LSMEM2: variants seen among roughly 807,000 people sequenced by gnomAD.
LSMEM2 encodes the protein leucine-rich single-pass membrane protein 2.
Under a neutral mutation model 17.3 loss-of-function variants are expected in LSMEM2, and 20 were observed. That is an observed-to-expected ratio of 1.16 (90% CI 0.81 to 1.68). The LOEUF (loss-of-function observed/expected upper bound fraction) is 1.68, where lower values mean the gene tolerates loss of function less well. LSMEM2 is among the 40% of genes most tolerant of loss of function. The pLI, the probability that LSMEM2 is intolerant of heterozygous loss-of-function variation, is 0.00. For missense variants in LSMEM2, 207 were observed against 214.3 expected, an observed-to-expected ratio of 0.97 and a Z score of 0.21; for synonymous variants, 94 against 97.8, an observed-to-expected ratio of 0.96 and a Z score of 0.23.
upstream of LSMEM2, among the ~76,000 whole-genome samples, chr3:50,278,771 T>C (rs587665479): frequency 7.0e-4 from 106 of 152,122 alleles, no homozygotes; most frequent in African/African-American, 2.4e-3. Flanking sequence ...GGTGGCCAAA[T>C]AGAGATGCAC....
At chr3:50,286,142 G>A (rs973774524) in intron 1 of LSMEM2, among the ~76,000 whole-genome samples, 1 of 152,226 alleles carries the variant, frequency 6.6e-6, no homozygotes, top group Non-Finnish European at 1.5e-5. Flanking sequence ...AAAGAGGCAG[G>A]ACTGAATTCC....
In LSMEM2 at chr3:50,280,651, T is replaced by C. The variant is rs587654126; in HGVS notation, c.58+1480T>C. Among the ~76,000 whole-genome samples, 40 of 150,682 alleles carry C rather than the reference T, an allele frequency of 2.7e-4. 1 individual carries two copies. The South Asian group carries it at 8.2e-3, about 31-fold the overall frequency. On this transcript the variant is annotated intron_variant, in intron 1 of 3. Transcript: ENST00000316436. ...CTCTGTCGCCCAGGCTGGAGTGCAGTGGCGCGATCTCAGCTCACTGCAAGC... is the reference window on the plus strand; with the variant it reads ...CTCTGTCGCCCAGGCTGGAGTGCAGCGGCGCGATCTCAGCTCACTGCAAGC...
chr3:50,285,295 C>T (rs914735674), intron 1 of LSMEM2, among the ~76,000 whole-genome samples: 12 of 151,564 alleles, frequency 7.9e-5, no homozygotes, highest in African/African-American at 2.4e-4. Context: ...CTTGCCATTG[C>T]ACTCCAGCCT....
chr3:50,282,142 A>G (rs1050360583), intron 1 of LSMEM2, among the ~76,000 whole-genome samples: 14 of 152,002 alleles, frequency 9.2e-5, no homozygotes, highest in African/African-American at 2.9e-4. Context: ...GTGAGCCACC[A>G]TGCCCGGCCC....
chr3:50,279,925 G>A (rs1291642920), intron 1 of LSMEM2, among the ~76,000 whole-genome samples: 1 of 151,942 alleles, frequency 6.6e-6, no homozygotes, highest in African/African-American at 2.4e-5. Flanking sequence ...ACCCAGGCCG[G>A]AGTACAGTGG....
chr3:50,278,075 G>A (rs1330452991), upstream of LSMEM2, among the ~76,000 whole-genome samples: 1 of 152,228 alleles, frequency 6.6e-6, no homozygotes, highest in Non-Finnish European at 1.5e-5. Flanking sequence ...GGGCTATCTG[G>A]GAGCAGAGCA....
At chr3:50,280,301 T>C (rs1315844080) in intron 1 of LSMEM2, among the ~76,000 whole-genome samples, 1 of 151,122 alleles carries the variant, frequency 6.6e-6, no homozygotes, top group Non-Finnish European at 1.5e-5. Context: ...ATTACAGGCA[T>C]GTGCTACCAT....
chr3:50,284,526 T>A (rs1553708148), intron 1 of LSMEM2, among the ~76,000 whole-genome samples: 1 of 151,856 alleles, frequency 6.6e-6, no homozygotes, highest in Non-Finnish European at 1.5e-5. Context: ...GACCAGGAGC[T>A]CGAGACCAGC....
rs373653797 is a variant in LSMEM2 at position 50,287,109 on chromosome 3, C to T, written c.402C>T (p.Leu134=). 6.2e-7 allele frequency: 1 copy of T among 1,614,064 alleles called. No homozygotes were observed. Among genetic ancestry groups the T allele is most frequent in the Non-Finnish European group, 8.5e-7 (1 of 1,180,046 alleles). Residue 134 remains leucine (L), a synonymous_variant, in exon 4 of 4, where the codon CTC becomes CTT. Coordinates refer to ENST00000316436, the MANE Select transcript of LSMEM2 (RefSeq NM_153215.3). ...CCCTGCGCATCCTGGCACACACGCT[C>T]CGCACGCAGGAGGAGACACTACTCA... ...SESLRILAHT[L]RTQEETLLKL...
intron 1 of LSMEM2, among the ~76,000 whole-genome samples, chr3:50,285,424 GAGGTC>G (rs1701494188): frequency 6.6e-6 from 1 of 151,334 alleles, no homozygotes; most frequent in Non-Finnish European, 1.5e-5. Flanking sequence ...CAGATCACTT[GAGGTC>G]AGGAGTTCCA....
upstream of LSMEM2, among the ~76,000 whole-genome samples, chr3:50,278,742 G>C (rs1406260156): frequency 6.6e-6 from 1 of 152,202 alleles, no homozygotes; most frequent in Admixed American, 6.5e-5. Context: ...CTGTGGGTAG[G>C]AGTCTGCAGG....
At chr3:50,279,500 A>G (rs782502747) in intron 1 of LSMEM2, among the ~76,000 whole-genome samples, 2 of 152,206 alleles carry the variant, frequency 1.3e-5, no homozygotes, top group Admixed American at 6.5e-5. Context: ...TGGCCGGTTC[A>G]GCTCTTAAGG....
chr3:50,286,753 T>A lies in LSMEM2; in HGVS notation c.252T>A (p.Cys84Ter). Residue 84 changes from cysteine to a stop codon, truncating the protein, a stop_gained, in exon 3 of 4, where the codon TGT becomes TGA. Transcript: ENST00000316436. LOFTEE classifies it high-confidence loss of function. The stretch of plus-strand genomic sequence containing the variant: ...TGGGCGTTTTGCCGCCGTCACTGTG[T>A]GCCCAGGCTGGCTGCAGCCCTGTGT... ...ELLGVLPPSL[C>*]AQAGCSPVYR... is the part of the protein sequence containing the mutation. 6.2e-7 allele frequency: 1 copy of A among 1,614,248 alleles called. No homozygotes were observed. The highest frequency in any genetic ancestry group is 8.5e-7 in the Non-Finnish European group (1 of 1,180,050).
chr3:50,279,857 C>G (rs1448205248), intron 1 of LSMEM2, among the ~76,000 whole-genome samples: 3 of 151,920 alleles, frequency 2.0e-5, no homozygotes, highest in African/African-American at 4.8e-5. Flanking sequence ...AGCTAGCAAG[C>G]TCCTCTTATC....
chr3:50,284,156 A>C (rs1416676539), intron 1 of LSMEM2, among the ~76,000 whole-genome samples: 7 of 142,298 alleles, frequency 4.9e-5, no homozygotes, highest in African/African-American at 1.8e-4. Context: ...CAGTGAGCTG[A>C]GATCGCACCA....
At chr3:50,278,642 C>G (rs1475119558), upstream of LSMEM2, among the ~76,000 whole-genome samples, 2 of 152,198 alleles carry the variant, frequency 1.3e-5, no homozygotes, top group African/African-American at 2.4e-5. Flanking sequence ...TGTCCATCAC[C>G]CTCTATAAGA....
intron 2 of LSMEM2, 28 bp downstream of exon 2, chr3:50,286,612 G>A (rs1385181186): frequency 1.9e-6 from 3 of 1,611,370 alleles, no homozygotes; most frequent in Non-Finnish European, 2.5e-6. Context: ...GGTGGATGAT[G>A]TGCTGGGGGA....
intron 1 of LSMEM2, 159 bp from the exon 2 acceptor site, chr3:50,286,312 G>T: frequency 1.5e-6 from 1 of 659,008 alleles, no homozygotes; most frequent in Non-Finnish European, 1.9e-6. Context: ...GATCATCCTG[G>T]ATCCAAATCA....
chr3:50,278,771 T>G (rs587665479), upstream of LSMEM2, among the ~76,000 whole-genome samples: 17 of 152,004 alleles, frequency 1.1e-4, no homozygotes, highest in Admixed American at 1.1e-3. Flanking sequence ...GGTGGCCAAA[T>G]AGAGATGCAC....
Sources: gnomAD v4.1 joint callset for allele counts (sites outside exome capture counted in the v4.1 genomes callset) on GRCh38, gnomAD v4.1.1 for gene constraint, MANE v1.5 for transcripts, NCBI Gene and HGNC (gene_info 2026-07-23, HGNC 2026-07-21) for gene names.